The following LETMD1 variants were observed in gnomAD, a reference collection of about 807,000 sequenced individuals.
LETMD1 encodes LETM1 domain containing 1, also known as LETM1 domain-containing protein 1.
LETMD1 carries 30 observed loss-of-function variants against 43.9 expected under a neutral mutation model. The observed-to-expected ratio is 0.68, with a 90% CI of 0.51 to 0.93. LETMD1 has a LOEUF of 0.93. Among genes scored for constraint, LETMD1 ranks in the 40% least tolerant of loss-of-function variants. The pLI is 0.00. For missense variants in LETMD1, 413 were observed against 447.7 expected (o/e 0.92, Z 0.70); for synonymous variants, 176 against 163.1 (o/e 1.08, Z -0.60).
chr12:51,067,581 C>T, the LETMD1 span: 1 of 1,262,610 alleles, frequency 7.9e-7, no homozygotes, highest in East Asian at 2.3e-5. The surrounding 1 kb of genome is among the most constrained non-coding windows in gnomAD (Gnocchi z 4.1). Context: ...AGGGAATCCA[C>T]CCCTGAATGG....
chr12:51,061,890 A>C (rs1194123268), downstream of LETMD1: 1 of 152,156 alleles, frequency 6.6e-6, no homozygotes, highest in African/African-American at 2.4e-5. Context: ...ATTAAGCTTC[A>C]GTCCTGTGTT....
chr12:51,048,947 C>A, intron 1 of LETMD1, 87 bp from the exon 2 acceptor site: 1 of 1,281,024 alleles, frequency 7.8e-7, no homozygotes. Flanking sequence ...ATACAATCTC[C>A]GAGACTCCTG....
chr12:51,059,450 G>T lies in LETMD1; in HGVS notation c.*19G>T. The T allele has an allele frequency of 1.9e-6, 3 of 1,609,928 alleles. No homozygotes were observed. The highest frequency in any genetic ancestry group is 2.6e-6 in the Non-Finnish European group (3 of 1,176,132). On this transcript the variant is annotated 3_prime_UTR_variant, in exon 9 of 9. Coordinates refer to ENST00000262055, the MANE Select transcript of LETMD1 (RefSeq NM_015416.5). ...GCGCTGAATGAACCATGGAGCGGAT[G>T]GCATTGTCCTGCAGTCGTATAGTAT...
At chr12:51,064,020 G>A (rs779022731), downstream of LETMD1, 3 of 1,614,250 alleles carry the variant, frequency 1.9e-6, no homozygotes, top group Non-Finnish European at 1.7e-6. Context: ...AACAGGGAGA[G>A]AGAAGACATT....
chr12:51,061,854 C>G (rs913142833), downstream of LETMD1: 1 of 152,148 alleles, frequency 6.6e-6, no homozygotes, highest in Admixed American at 6.5e-5. Flanking sequence ...GAAAAAGATT[C>G]TTTTCTCCAT....
chr12:51,052,107 G>T lies in LETMD1; in HGVS notation c.290G>T (p.Trp97Leu). The change falls in exon 3 of 9, where the codon TGG (tryptophan) becomes TTG (leucine). Residue 97 changes from tryptophan to leucine, a missense_variant. By Grantham distance (61) the Trp-to-Leu change is moderately conservative. Coordinates refer to ENST00000262055, the MANE Select transcript of LETMD1 (RefSeq NM_015416.5). ...TIFMKGLQML[W>L]ADAKKARRIK... ...AATGAGGCAGGATTGCAGATGTTAT[G>T]GGCTGATGCCAAAAAGGCTAGAAGA... 1 of 1,613,892 alleles carries T rather than the reference G, an allele frequency of 6.2e-7. No homozygotes were observed. The highest frequency in any genetic ancestry group is 2.2e-5 in the East Asian group (1 of 44,872).
Position 51,059,440 on chromosome 12 carries a change from T to A in LETMD1, c.*9T>A, listed in dbSNP as rs1446176029. 3 of 1,612,990 alleles carry A rather than the reference T, an allele frequency of 1.9e-6. No homozygotes were observed. Among genetic ancestry groups the A allele is most frequent in the Non-Finnish European group, 1.7e-6 (2 of 1,178,928 alleles). On this transcript the variant is annotated 3_prime_UTR_variant, in exon 9 of 9. Coordinates refer to ENST00000262055, the MANE Select transcript of LETMD1 (RefSeq NM_015416.5). The stretch of plus-strand genomic sequence containing the variant: ...TTGGGACAAGGCGCTGAATGAACCA[T>A]GGAGCGGATGGCATTGTCCTGCAGT...
chr12:51,052,325 G>A lies in LETMD1; in HGVS notation c.390+118G>A, dbSNP rs191625960. 89 of 1,240,316 alleles carry A rather than the reference G, an allele frequency of 7.2e-5. No individual in the cohort carries two copies. The Admixed American group carries it at 1.3e-3, about 17-fold the overall frequency. 76.8% of individuals were successfully genotyped at this position (1,240,316 alleles called of 1,614,324 possible). A position where few individuals can be genotyped will look rare whatever the true frequency, so the allele number is the denominator to read the frequency against. On this transcript the variant is annotated intron_variant, in intron 3 of 8. Transcript: ENST00000262055. ...ATTGATCAAGCTTTTGCCCTTTGCC[G>A]TGAGAACAAAATATTGAACTGAATG... is the stretch of plus-strand genomic sequence containing the variant.
downstream of LETMD1, chr12:51,061,640 CTTAAA>C (rs972030440): frequency 1.3e-5 from 2 of 152,504 alleles, no homozygotes; most frequent in Non-Finnish European, 1.5e-5. Context: ...AGGGGATGGA[CTTAAA>C]TTAAGAAACT....
downstream of LETMD1, chr12:51,062,309 A>G (rs1223907096): frequency 6.6e-6 from 1 of 152,206 alleles, no homozygotes; most frequent in Non-Finnish European, 1.5e-5. Flanking sequence ...AATAAACCAT[A>G]CCAGAAGTAA....
In LETMD1 at chr12:51,048,385, G is replaced by A. The variant is rs766717650; in HGVS notation, c.29G>A (p.Arg10Gln). The stretch of plus-strand genomic sequence containing the variant: ...GCGCTCTCCAGGGTGTGCTGGGCTC[G>A]GTCGGCTGTGTGGGGCTCGGCAGTC... MALSRVCWA[R>Q]SAVWGSAVTP... Residue 10 changes from arginine to glutamine, a missense_variant, in exon 1 of 9, where the codon CGG becomes CAG. Arg to Gln is a conservative substitution (Grantham distance 43). Transcript: ENST00000262055. The A allele has an allele frequency of 3.7e-6, 6 of 1,614,090 alleles. No homozygotes were observed. The highest frequency in any genetic ancestry group is 5.1e-6 in the Non-Finnish European group (6 of 1,180,016).
Position 51,048,327 on chromosome 12 carries a change from C to G in LETMD1, c.-30C>G. The G allele has an allele frequency of 6.2e-7, 1 of 1,613,932 alleles. No individual in the cohort carries two copies. Among genetic ancestry groups the G allele is most frequent in the Non-Finnish European group, 8.5e-7 (1 of 1,179,906 alleles). ...CGGTTAACTTTGACCCAAAGACAACCTCTTCTCTCCCGCTTCTCTCGCTGT... is the reference window on the plus strand; with the variant it reads ...CGGTTAACTTTGACCCAAAGACAACGTCTTCTCTCCCGCTTCTCTCGCTGT... On this transcript the variant is annotated 5_prime_UTR_variant, in exon 1 of 9. Coordinates refer to ENST00000262055, the MANE Select transcript of LETMD1 (RefSeq NM_015416.5).
the LETMD1 span, among the ~76,000 whole-genome samples, chr12:51,068,693 G>T: frequency 1.3e-5 from 2 of 152,066 alleles, no homozygotes; most frequent in Non-Finnish European, 2.9e-5. Context: ...GAGAGGAAAA[G>T]GTATGTGAAT....
At chr12:51,055,665 T>A (rs1165521021) in intron 4 of LETMD1, 170 bp from the exon 5 acceptor site, 2 of 150,392 alleles carry the variant, frequency 1.3e-5, no homozygotes, top group South Asian at 8.8e-5. Context: ...CCCTGTCTCT[T>A]AAAAAAAAAA....
At chr12:51,061,090 A>T (rs544824082), downstream of LETMD1, 1 of 152,076 alleles carries the variant, frequency 6.6e-6, no homozygotes, top group Non-Finnish European at 1.5e-5. Context: ...AAATGTTTCT[A>T]TTGTTAACAT....
chr12:51,051,251 A>G (rs1179696684), intron 2 of LETMD1, among the ~76,000 whole-genome samples: 1 of 151,402 alleles, frequency 6.6e-6, no homozygotes, highest in Non-Finnish European at 1.5e-5. Context: ...TAAAAATACA[A>G]AAATTAGCCA....
rs113690603 is a variant in LETMD1, at chr12:51,059,756, A to G, written c.*325A>G. ...TGTTCAGTTCATGTCCTAGGAAGTC[A>G]GCTTTTGCCCCAGGTGGGAATCCTT... On this transcript the variant is annotated 3_prime_UTR_variant, in exon 9 of 9. Coordinates refer to ENST00000262055, the MANE Select transcript of LETMD1 (RefSeq NM_015416.5). The G allele has an allele frequency of 3.2e-5, 10 of 308,784 alleles. No homozygotes were observed. The highest frequency in any genetic ancestry group is 1.9e-4 in the African/African-American group (9 of 47,366). 19.1% of individuals were successfully genotyped at this position (308,784 alleles called of 1,614,324 possible).
chr12:51,068,261 G>C, the LETMD1 span, among the ~76,000 whole-genome samples: 1 of 152,104 alleles, frequency 6.6e-6, no homozygotes, highest in Non-Finnish European at 1.5e-5. Flanking sequence ...GGGTTCAAGC[G>C]ATTCTCCTGC....
the LETMD1 span, among the ~76,000 whole-genome samples, chr12:51,068,424 T>C: frequency 2.2e-4 from 33 of 152,188 alleles, no homozygotes; most frequent in African/African-American, 7.5e-4. Flanking sequence ...AGTGCTGGGG[T>C]CCACTGTGCC....
Sources: allele counts gnomAD v4.1 joint callset (sites outside exome capture counted in the v4.1 genomes callset), GRCh38; gene constraint gnomAD v4.1.1; non-coding constraint Gnocchi (gnomAD v3.1); transcripts MANE v1.5; gene names NCBI Gene and HGNC (gene_info 2026-07-23, HGNC 2026-07-21).